RTTN: variants seen among roughly 807,000 people sequenced by gnomAD.
RTTN encodes the protein rotatin.
RTTN carries 182 observed loss-of-function variants against 269.2 expected under a neutral mutation model. That is an observed-to-expected ratio of 0.68 (90% CI 0.60 to 0.76). The LOEUF (loss-of-function observed/expected upper bound fraction) is 0.76, where lower values mean the gene tolerates loss of function less well. Among genes scored for constraint, RTTN ranks in the 30% least tolerant of loss-of-function variants. The probability of loss-of-function intolerance (pLI) is 0.00; values close to 1 mark genes in which losing one functional copy is unlikely to be tolerated. For missense variants in RTTN, 2,545 were observed against 2,608.6 expected (o/e 0.98, Z 0.53); for synonymous variants, 1,006 against 963.5 (o/e 1.04, Z -0.82).
At chr18:70,196,773 G>T in intron 6 of RTTN, 125 bp from the exon 7 acceptor site, 1 of 913,940 alleles carries the variant, frequency 1.1e-6, no homozygotes, top group Non-Finnish European at 1.7e-6. Flanking sequence ...CCAAATATTT[G>T]TAAGACATAA....
chr18:70,095,841 G>C lies in RTTN; in HGVS notation c.3904-3037C>G, dbSNP rs184743290. On this transcript the variant is annotated intron_variant, in intron 28 of 48. Coordinates refer to ENST00000640769, the MANE Select transcript of RTTN (RefSeq NM_173630.4). ...ATTTCCTGAATTGGAATGCTGGCCT[G>C]TCTTGATAGGTTGGGGAAGTTCTCC... 1.6e-4 allele frequency among the ~76,000 whole-genome samples: 24 copies of C among 152,268 alleles called. No homozygotes were observed. The East Asian group carries it at 4.4e-3, about 28-fold the overall frequency.
intron 14 of RTTN, among the ~76,000 whole-genome samples, chr18:70,162,129 T>C (rs184163365): frequency 1.1e-4 from 17 of 152,254 alleles, no homozygotes; most frequent in Non-Finnish European, 1.9e-4. Context: ...CAACAGTGGA[T>C]TGGATAAAGA....
At chr18:70,090,526 C>T (rs897971644) in intron 30 of RTTN, among the ~76,000 whole-genome samples, 5 of 152,098 alleles carry the variant, frequency 3.3e-5, no homozygotes, top group Non-Finnish European at 7.3e-5. Context: ...ATGATGTAGG[C>T]ATTGTGAGGG....
At chr18:70,157,094 T>C (rs1416915864) in intron 14 of RTTN, among the ~76,000 whole-genome samples, 2 of 152,206 alleles carry the variant, frequency 1.3e-5, no homozygotes, top group African/African-American at 4.8e-5. Context: ...CCTACTGGTG[T>C]GCACTTGCCT....
chr18:70,102,868 T>A (rs1599556288), intron 28 of RTTN, among the ~76,000 whole-genome samples: 1 of 152,354 alleles, frequency 6.6e-6, no homozygotes, highest in Non-Finnish European at 1.5e-5. Context: ...GGGTTGAAAA[T>A]TCTTTTCTTT....
chr18:70,172,632 C>T (rs536856535), intron 11 of RTTN, among the ~76,000 whole-genome samples: 27 of 151,478 alleles, frequency 1.8e-4, no homozygotes, highest in Non-Finnish European at 3.5e-4. Flanking sequence ...AAAATAACTA[C>T]CAAAAATTAG....
chr18:70,197,794 A>G (rs988493678), intron 5 of RTTN, 56 bp from the exon 6 acceptor site: 9 of 1,102,766 alleles, frequency 8.2e-6, no homozygotes, highest in Non-Finnish European at 9.7e-6. Context: ...CCAGATTCTA[A>G]GTAGCCTACT....
chr18:70,044,109 T>C (rs2057422810), intron 40 of RTTN, among the ~76,000 whole-genome samples: 1 of 152,250 alleles, frequency 6.6e-6, no homozygotes, highest in Admixed American at 6.5e-5. Context: ...GTCAAGACTT[T>C]CTTGCTTTCT....
intron 40 of RTTN, among the ~76,000 whole-genome samples, chr18:70,038,571 C>T (rs1472353730): frequency 6.6e-6 from 1 of 152,206 alleles, no homozygotes; most frequent in Non-Finnish European, 1.5e-5. Context: ...GTCCAATTCC[C>T]TTGGAATGCC....
chr18:70,089,137 G>A (rs1391245949), intron 30 of RTTN, among the ~76,000 whole-genome samples: 1 of 152,144 alleles, frequency 6.6e-6, no homozygotes, highest in Non-Finnish European at 1.5e-5. Context: ...TGAGGGTGCT[G>A]TGTACTGAAC....
chr18:70,169,236 T>C (rs1045413076), intron 11 of RTTN, among the ~76,000 whole-genome samples, 169 bp from the exon 12 acceptor site: 1 of 152,202 alleles, frequency 6.6e-6, no homozygotes, highest in Non-Finnish European at 1.5e-5. Context: ...ACACATCATC[T>C]ACCTCTATCT....
intron 40 of RTTN, among the ~76,000 whole-genome samples, chr18:70,046,528 C>A (rs2057495682): frequency 6.6e-6 from 1 of 152,170 alleles, no homozygotes; most frequent in Non-Finnish European, 1.5e-5. Flanking sequence ...TTCCTCCTTA[C>A]AACATTCTTT....
At chr18:70,202,180 A>C (rs887045788) in intron 3 of RTTN, among the ~76,000 whole-genome samples, 197 bp from the exon 4 acceptor site, 3 of 152,186 alleles carry the variant, frequency 2.0e-5, no homozygotes, top group Non-Finnish European at 2.9e-5. Flanking sequence ...TCCAGTTAAG[A>C]AGCTTTTTCC....
At position 70,035,209 on chromosome 18, in the gene RTTN, A is replaced by C. The variant is rs78358743; in HGVS notation, c.5542-4228T>G. On this transcript the variant is annotated intron_variant, in intron 40 of 48. Transcript: ENST00000640769. ...TCACATTCTTCATAGAACTAGAAAA[A>C]ACTTTTAAAATTCATATGGAACCAA... 5.3e-5 allele frequency among the ~76,000 whole-genome samples: 8 copies of C among 152,340 alleles called. No individual in the cohort carries two copies. In the East Asian group the frequency reaches 1.5e-3, roughly 29 times the overall value.
At chr18:70,005,510 T>A in intron 47 of RTTN, 1 of 369,796 alleles carries the variant, frequency 2.7e-6, no homozygotes. Context: ...CTTTCTTCCC[T>A]TCTCTTTTAC....
chr18:70,066,814 C>T (rs571485572), intron 34 of RTTN, among the ~76,000 whole-genome samples: 2 of 152,064 alleles, frequency 1.3e-5, no homozygotes, highest in Non-Finnish European at 2.9e-5. Context: ...TTAGAATTAC[C>T]ATGATGAAAT....
rs1039985670 is a variant in RTTN, at chr18:70,142,010, A to C, written c.2581+278T>G. On this transcript the variant is annotated intron_variant, in intron 19 of 48. Coordinates refer to ENST00000640769, the MANE Select transcript of RTTN (RefSeq NM_173630.4). ...GCATTTTACAGGTCAAATAATAATAAGGCATTAGCAAACTTCTTCTGTAAA... is the reference window on the plus strand; with the variant it reads ...GCATTTTACAGGTCAAATAATAATACGGCATTAGCAAACTTCTTCTGTAAA... Among the ~76,000 whole-genome samples, 4 of 152,216 alleles carry C rather than the reference A, an allele frequency of 2.6e-5. No individual in the cohort carries two copies. In the East Asian group the frequency reaches 7.7e-4, roughly 29 times the overall value.
At chr18:70,192,195 CTTG>C (rs1484475784) in intron 8 of RTTN, among the ~76,000 whole-genome samples, 2 of 152,132 alleles carry the variant, frequency 1.3e-5, no homozygotes, top group East Asian at 3.8e-4. Context: ...TCAGTATTAG[CTTG>C]TTAACAGTAG....
chr18:70,005,858 T>G (rs2056168774), intron 47 of RTTN: 2 of 154,572 alleles, frequency 1.3e-5, no homozygotes, highest in Non-Finnish European at 2.9e-5. Context: ...CACTAGATAC[T>G]TATGGGTATT....
Sources: allele counts gnomAD v4.1 joint callset (sites outside exome capture counted in the v4.1 genomes callset), GRCh38; gene constraint gnomAD v4.1.1; transcripts MANE v1.5; gene names NCBI Gene and HGNC (gene_info 2026-07-23, HGNC 2026-07-21).